The following FAR2 variants were observed in gnomAD, a reference collection of about 807,000 sequenced individuals.
FAR2 encodes epididymis secretory protein Li 81.
In FAR2, 19 loss-of-function variants were observed where a neutral mutation model predicts 56.0. That is an observed-to-expected ratio of 0.34 (90% CI 0.24 to 0.50). The LOEUF (loss-of-function observed/expected upper bound fraction) is 0.50. Ranked by LOEUF, FAR2 falls within the 20% of genes least tolerant of loss-of-function variation. The probability of loss-of-function intolerance (pLI) is 0.98; values close to 1 mark genes in which losing one functional copy is unlikely to be tolerated. For synonymous variants in FAR2, 219 were observed against 218.8 expected (o/e 1.00, Z -0.01); for missense variants, 508 against 642.2 (o/e 0.79, Z 2.26).
intron 1 of FAR2, chr12:29,156,341 A>G (rs962652183): frequency 6.6e-6 from 1 of 152,250 alleles, no homozygotes. Context: ...TAAAAATGAA[A>G]CAAACTATTT....
At chr12:29,177,610 G>T (rs539705914) in intron 1 of FAR2, among the ~76,000 whole-genome samples, 1 of 151,936 alleles carries the variant, frequency 6.6e-6, no homozygotes, top group African/African-American at 2.4e-5. Flanking sequence ...TGGGTAGTGG[G>T]TTGAAAAAAA....
chr12:29,327,500 A>C (rs1007623540), intron 10 of FAR2, among the ~76,000 whole-genome samples: 20 of 152,206 alleles, frequency 1.3e-4, no homozygotes, highest in Admixed American at 8.5e-4. Context: ...CTGACTTCAA[A>C]CTATACTACA....
intron 4 of FAR2, among the ~76,000 whole-genome samples, chr12:29,297,964 A>G (rs1431737708): frequency 2.7e-5 from 4 of 148,994 alleles, no homozygotes; most frequent in Non-Finnish European, 5.9e-5. Context: ...TGAACCTGGG[A>G]GGCAGAGGTT....
chr12:29,169,125 TC>T (rs1426113080), intron 1 of FAR2, among the ~76,000 whole-genome samples: 1 of 152,112 alleles, frequency 6.6e-6, no homozygotes, highest in Admixed American at 6.6e-5. Context: ...GTTCTCCAAG[TC>T]CCCACTCGAC....
chr12:29,244,431 G>C (rs917647205), intron 1 of FAR2, among the ~76,000 whole-genome samples: 8 of 152,124 alleles, frequency 5.3e-5, no homozygotes, highest in Non-Finnish European at 7.4e-5. Flanking sequence ...AAGCCAGTTG[G>C]TTCACACAAC....
At chr12:29,191,656 T>G (rs1319519091) in intron 1 of FAR2, among the ~76,000 whole-genome samples, 1 of 152,234 alleles carries the variant, frequency 6.6e-6, no homozygotes, top group Non-Finnish European at 1.5e-5. Flanking sequence ...ACCACTGAAG[T>G]GTTAAGTGGC....
chr12:29,297,118 T>C lies in FAR2; in HGVS notation c.463T>C (p.Tyr155His). Reference protein sequence around the residue: ...LEAFIHISTAYSNCNLKHIDE... With the variant: ...LEAFIHISTAHSNCNLKHIDE... ...AGCCTTTATACATATCTCTACTGCC[T>C]ATTCAAATTGTAACCTGAAGCACAT... is the stretch of plus-strand genomic sequence containing the variant. The change falls in exon 4 of 12, where the codon TAT becomes CAT. Residue 155 changes from tyrosine to histidine, a missense_variant. Coordinates refer to ENST00000536681, the MANE Select transcript of FAR2 (RefSeq NM_001271783.2). The C allele has an allele frequency of 6.2e-7, 1 of 1,614,064 alleles. No individual in the cohort carries two copies. Among genetic ancestry groups the C allele is most frequent in the Non-Finnish European group, 8.5e-7 (1 of 1,179,942 alleles).
chr12:29,172,885 CA>C (rs1462602137), intron 1 of FAR2, among the ~76,000 whole-genome samples: 2 of 152,172 alleles, frequency 1.3e-5, no homozygotes, highest in Admixed American at 6.5e-5. Flanking sequence ...CTCCAGTCCC[CA>C]TGATCTGAGT....
chr12:29,241,365 GAA>G (rs1948032061), intron 1 of FAR2, among the ~76,000 whole-genome samples: 1 of 152,060 alleles, frequency 6.6e-6, no homozygotes, highest in South Asian at 2.1e-4. Flanking sequence ...TCAAGAAAGT[GAA>G]AGAGGAATTT....
intron 5 of FAR2, among the ~76,000 whole-genome samples, chr12:29,308,278 C>CT (rs772148677): frequency 1.7e-4 from 26 of 152,086 alleles, no homozygotes; most frequent in Non-Finnish European, 3.4e-4. Flanking sequence ...CTGTCATGAC[C>CT]TTTTGAAAGT....
chr12:29,325,234 AC>A (rs1444002760), intron 10 of FAR2, among the ~76,000 whole-genome samples: 1 of 152,216 alleles, frequency 6.6e-6, no homozygotes, highest in African/African-American at 2.4e-5. Flanking sequence ...ATACAGGAGC[AC>A]CCAGATTCAT....
At chr12:29,228,293 A>C (rs528310781) in intron 1 of FAR2, among the ~76,000 whole-genome samples, 102 of 152,312 alleles carry the variant, frequency 6.7e-4, no homozygotes, top group Non-Finnish European at 1.1e-3. Flanking sequence ...ACAACAACAA[A>C]AAGTCAGGAT....
At chr12:29,311,665 T>TACACACACACAC (rs1555123656) in intron 7 of FAR2, among the ~76,000 whole-genome samples, 5 of 69,766 alleles carry the variant, frequency 7.2e-5, no homozygotes, top group African/African-American at 4.7e-4. Context: ...TAACATCTCT[T>TACACACACACAC]TCACACACAC....
intron 1 of FAR2, among the ~76,000 whole-genome samples, chr12:29,159,090 G>T (rs771368502): frequency 6.6e-6 from 1 of 152,188 alleles, no homozygotes; most frequent in Non-Finnish European, 1.5e-5. Flanking sequence ...ATATTTGGCC[G>T]GTTGCAACTT....
At chr12:29,166,840 C>G (rs1177225047) in intron 1 of FAR2, among the ~76,000 whole-genome samples, 2 of 152,174 alleles carry the variant, frequency 1.3e-5, no homozygotes, top group African/African-American at 4.8e-5. Flanking sequence ...CCCCCTATAG[C>G]TATGGTTCCA....
chr12:29,149,576 C>T (rs929194373), intron 1 of FAR2, among the ~76,000 whole-genome samples, 169 bp downstream of exon 1: 7 of 152,204 alleles, frequency 4.6e-5, no homozygotes, highest in African/African-American at 1.7e-4. Flanking sequence ...AGGAGAGAAG[C>T]ATTTGCGGAG....
chr12:29,177,352 AT>A (rs1949948584), intron 1 of FAR2, among the ~76,000 whole-genome samples: 1 of 152,162 alleles, frequency 6.6e-6, no homozygotes, highest in South Asian at 2.1e-4. Flanking sequence ...TCCAGGTTTG[AT>A]TAGAGATTTT....
At chr12:29,267,666 T>C (rs753410761) in intron 1 of FAR2, among the ~76,000 whole-genome samples, 27 of 152,234 alleles carry the variant, frequency 1.8e-4, no homozygotes, top group Admixed American at 1.2e-3. Flanking sequence ...AATATACTCA[T>C]GTAACATTAT....
At chr12:29,215,347 T>C (rs1947610071) in intron 1 of FAR2, among the ~76,000 whole-genome samples, 1 of 152,124 alleles carries the variant, frequency 6.6e-6, no homozygotes. Flanking sequence ...GAAAGAAAAA[T>C]AAAAGATGTA....
Sources: allele counts gnomAD v4.1 joint callset (sites outside exome capture counted in the v4.1 genomes callset), GRCh38; gene constraint gnomAD v4.1.1; transcripts MANE v1.5; gene names NCBI Gene and HGNC (gene_info 2026-07-23, HGNC 2026-07-21).